The following TRIB2 variants were observed in gnomAD, a reference collection of about 807,000 sequenced individuals.
The protein encoded by TRIB2 is tribbles pseudokinase 2.
Under a neutral mutation model 26.8 loss-of-function variants are expected in TRIB2, and 2 were observed. The ratio of observed to expected loss-of-function variants is 0.07; its 90% CI spans 0.03 to 0.24. TRIB2 has a LOEUF of 0.24. TRIB2 is among the 10% of genes least tolerant of loss of function. The probability of loss-of-function intolerance (pLI) is 1.00; values close to 1 mark genes in which losing one functional copy is unlikely to be tolerated. For synonymous variants in TRIB2, 189 were observed against 187.3 expected, an observed-to-expected ratio of 1.01 and a Z score of -0.08; for missense variants, 306 against 449.0, an observed-to-expected ratio of 0.68 and a Z score of 2.88.
At position 12,717,858 on chromosome 2, in the gene TRIB2, G is replaced by T. The variant is rs1262265490; in HGVS notation, c.-450G>T. On this transcript the variant is annotated 5_prime_UTR_variant, in exon 1 of 3. Coordinates refer to ENST00000155926, the MANE Select transcript of TRIB2 (RefSeq NM_021643.4). This position sits in a 1 kb window ranked among gnomAD's most constrained non-coding sequence, Gnocchi z 4.8. ...AACGCGTTGGGACTGAGTCGCCGCC[G>T]TGAGCTCCCCGAAGACTGCACAAAC... The T allele has an allele frequency of 4.0e-5, 9 of 225,578 alleles. No homozygotes were observed. The highest frequency in any genetic ancestry group is 1.1e-4 in the Admixed American group (2 of 18,208). The allele number at this position is 225,578 out of a possible 1,614,324, so 14.0% of individuals were successfully genotyped here. A position where few individuals can be genotyped will look rare whatever the true frequency, so the allele number is the denominator to read the frequency against.
intron 1 of TRIB2, among the ~76,000 whole-genome samples, chr2:12,722,303 C>T (rs544869943): frequency 2.4e-4 from 36 of 152,332 alleles, no homozygotes; most frequent in Admixed American, 5.2e-4. Context: ...AGCTCACCCA[C>T]GCATGCCCCT....
Position 12,718,443 on chromosome 2 carries a change from C to G in TRIB2, c.136C>G (p.Pro46Ala). The change falls in exon 1 of 3, where the codon CCG becomes GCG. Residue 46 changes from proline to alanine, a missense_variant. Around this residue, in one of 4 missense-constraint regions of TRIB2, gnomAD observed 99 missense variants for 106.5 expected, o/e 0.93. Transcript: ENST00000155926. The surrounding 1 kb of genome is among the most constrained non-coding windows in gnomAD (Gnocchi z 4.0). ...SQSFSPNLGSPSPPETPNLSH... is the reference protein window; with the variant it reads ...SQSFSPNLGSASPPETPNLSH... ...GAGTTTCAGCCCGAACCTCGGCTCCCCGAGCCCGCCCGAGACTCCGAACTT... is the reference window on the plus strand; with the variant it reads ...GAGTTTCAGCCCGAACCTCGGCTCCGCGAGCCCGCCCGAGACTCCGAACTT... The G allele has an allele frequency of 6.2e-7, 1 of 1,614,234 alleles. No homozygotes were observed. Among genetic ancestry groups the G allele is most frequent in the Admixed American group, 1.7e-5 (1 of 60,030 alleles).
intron 2 of TRIB2, among the ~76,000 whole-genome samples, chr2:12,729,093 C>G (rs1038521828): frequency 3.3e-5 from 5 of 152,094 alleles, no homozygotes; most frequent in Non-Finnish European, 7.3e-5. Context: ...TATGAGAAAC[C>G]CCTTTATGTA....
chr2:12,736,618 C>T (rs920170630), intron 2 of TRIB2, among the ~76,000 whole-genome samples: 1 of 152,192 alleles, frequency 6.6e-6, no homozygotes, highest in East Asian at 1.9e-4. Flanking sequence ...AAGCTCACCC[C>T]CTGGGGTCGA....
At chr2:12,719,149 TG>T (rs1383402943) in intron 1 of TRIB2, among the ~76,000 whole-genome samples, 1 of 152,054 alleles carries the variant, frequency 6.6e-6, no homozygotes, top group African/African-American at 2.4e-5. Flanking sequence ...AAAGGAGGGT[TG>T]GGGTGGAAAT....
intron 2 of TRIB2, among the ~76,000 whole-genome samples, chr2:12,736,577 G>A (rs1045746091): frequency 4.6e-5 from 7 of 152,156 alleles, no homozygotes; most frequent in South Asian, 2.1e-4. Flanking sequence ...GCAGAGCACC[G>A]GCCCTTGTTC....
chr2:12,724,615 T>C (rs975975735), intron 2 of TRIB2: 17 of 1,606,050 alleles, frequency 1.1e-5, no homozygotes, highest in Non-Finnish European at 1.4e-5. Flanking sequence ...ATTTACCTTT[T>C]CTCTTCCGCT....
chr2:12,735,264 C>T (rs2103257831), intron 2 of TRIB2, among the ~76,000 whole-genome samples: 1 of 152,320 alleles, frequency 6.6e-6, no homozygotes, highest in Non-Finnish European at 1.5e-5. Context: ...GCCTGCATTT[C>T]CTCCCCATCC....
rs1666658262 is a variant in TRIB2, at chr2:12,718,775, TG to T, written c.270+203del. Reference sequence around the variant, plus strand: ...TTTCAGACAATGGGGCGGGCGGCAGTGGGGGCGTTTCGGGGAGAGCCCGGGG... The same window carrying T: ...TTTCAGACAATGGGGCGGGCGGCAGTGGGGCGTTTCGGGGAGAGCCCGGGG... On this transcript the variant is annotated intron_variant, in intron 1 of 2. Coordinates refer to ENST00000155926, the MANE Select transcript of TRIB2 (RefSeq NM_021643.4). This position sits in a 1 kb window ranked among gnomAD's most constrained non-coding sequence, Gnocchi z 4.0. 6.6e-6 allele frequency among the ~76,000 whole-genome samples: 1 copy of T among 150,940 alleles called. No homozygotes were observed. Among genetic ancestry groups the T allele is most frequent in the South Asian group, 2.1e-4 (1 of 4,782 alleles).
intron 2 of TRIB2, 79 bp downstream of exon 2, chr2:12,723,631 A>T (rs766947488): frequency 3.0e-5 from 46 of 1,512,676 alleles, no homozygotes; most frequent in Non-Finnish European, 3.9e-5. Flanking sequence ...TCTTGAATGG[A>T]CGTTTTTTTG....
chr2:12,740,310 T>C lies in TRIB2; in HGVS notation c.564-16T>C. 6.2e-7 allele frequency: 1 copy of C among 1,609,648 alleles called. No homozygotes were observed. The highest frequency in any genetic ancestry group is 8.5e-7 in the Non-Finnish European group (1 of 1,176,786). On this transcript the variant is annotated splice_polypyrimidine_tract_variant and intron_variant, in intron 2 of 2. Transcript: ENST00000155926. This position sits in a 1 kb window ranked among gnomAD's most constrained non-coding sequence, Gnocchi z 5.8. ...TGAGCACCCTCAGGAGCTTATGTTT[T>C]CCTCCTTTCTTGCAGGACTCGGGTC... is the stretch of plus-strand genomic sequence containing the variant.
rs1313364787 is a variant in TRIB2, at chr2:12,718,770, G to C, written c.270+193G>C. On this transcript the variant is annotated intron_variant, in intron 1 of 2. Transcript: ENST00000155926. The surrounding 1 kb of genome is among the most constrained non-coding windows in gnomAD (Gnocchi z 4.0). ...GACCGTTTCAGACAATGGGGCGGGC[G>C]GCAGTGGGGGCGTTTCGGGGAGAGC... 6.6e-6 allele frequency among the ~76,000 whole-genome samples: 1 copy of C among 152,188 alleles called. No individual in the cohort carries two copies. The highest frequency in any genetic ancestry group is 2.1e-4 in the South Asian group (1 of 4,834).
rs1666659439 is a variant in TRIB2 at position 12,718,812 on chromosome 2, G to C, written c.270+235G>C. 3.9e-5 allele frequency among the ~76,000 whole-genome samples: 6 copies of C among 152,198 alleles called. No homozygotes were observed. Among genetic ancestry groups the C allele is most frequent in the Admixed American group, 2.6e-4 (4 of 15,286 alleles). ...GGGGAGAGCCCGGGGAGGAGAGGGC[G>C]GCGGGACTGCGCGGGGGCCACGGAC... On this transcript the variant is annotated intron_variant, in intron 1 of 2. Transcript: ENST00000155926. The surrounding 1 kb of genome is among the most constrained non-coding windows in gnomAD (Gnocchi z 4.0).
At chr2:12,720,399 TC>T (rs1199561583) in intron 1 of TRIB2, among the ~76,000 whole-genome samples, 3 of 152,232 alleles carry the variant, frequency 2.0e-5, no homozygotes, top group Non-Finnish European at 4.4e-5. Context: ...ACAGAGGTCA[TC>T]CCTTTAAGAC....
rs1666605642 is a variant in TRIB2, at chr2:12,717,009, A to C, written c.-1299A>C. On this transcript the variant is annotated 5_prime_UTR_variant, in exon 1 of 3. Transcript: ENST00000155926. This position sits in a 1 kb window ranked among gnomAD's most constrained non-coding sequence, Gnocchi z 4.8. ...CCCGCTCGCTCCGAGATCCCCGGCC[A>C]CGTAAGTAACTATTAATACCGCCTC... 1 of 169,990 alleles carries C rather than the reference A, an allele frequency of 5.9e-6. No homozygotes were observed. Among genetic ancestry groups the C allele is most frequent in the Admixed American group, 6.3e-5 (1 of 15,754 alleles). The allele number at this position is 169,990 out of a possible 1,614,324, so 10.5% of individuals were successfully genotyped here.
intron 2 of TRIB2, among the ~76,000 whole-genome samples, chr2:12,735,792 C>T (rs79053861): frequency 0.016 from 2,484 of 152,138 alleles, 33 homozygotes; most frequent in Non-Finnish European, 0.027. Context: ...CAGCATGTGC[C>T]GAACCAAATG....
intron 1 of TRIB2, 84 bp from the exon 2 acceptor site, chr2:12,723,176 A>G (rs1057247710): frequency 2.1e-6 from 3 of 1,458,956 alleles, no homozygotes; most frequent in African/African-American, 2.8e-5. Flanking sequence ...TCAAAAGCCC[A>G]TACCTGTGGG....
At chr2:12,739,081 T>C (rs1477075927) in intron 2 of TRIB2, among the ~76,000 whole-genome samples, 1 of 152,036 alleles carries the variant, frequency 6.6e-6, no homozygotes, top group Admixed American at 6.6e-5. Context: ...GGGCTCATGG[T>C]TCTGTTCACA....
intron 2 of TRIB2, among the ~76,000 whole-genome samples, chr2:12,727,562 G>C (rs898137547): frequency 1.3e-5 from 2 of 152,180 alleles, no homozygotes; most frequent in Non-Finnish European, 2.9e-5. Context: ...TGGAGTAGGC[G>C]GCCACAGGCA....
Sources: allele counts gnomAD v4.1 joint callset (sites outside exome capture counted in the v4.1 genomes callset), GRCh38; gene constraint gnomAD v4.1.1; regional missense constraint gnomAD v4.1.1; non-coding constraint Gnocchi (gnomAD v3.1); transcripts MANE v1.5; gene names NCBI Gene and HGNC (gene_info 2026-07-23, HGNC 2026-07-21).